The following ROBO1 variants were observed in gnomAD, a reference collection of about 807,000 sequenced individuals.
ROBO1 encodes the protein roundabout guidance receptor 1.
Under a neutral mutation model 195.9 loss-of-function variants are expected in ROBO1, and 149 were observed. The ratio of observed to expected loss-of-function variants is 0.76; its 90% CI spans 0.67 to 0.87. The LOEUF (loss-of-function observed/expected upper bound fraction) is 0.87. ROBO1 is among the 40% of genes least tolerant of loss of function. ROBO1 has a pLI of 0.00. For missense variants in ROBO1, 1,933 were observed against 2,068.3 expected (o/e 0.93, Z 1.27); for synonymous variants, 816 against 733.2 (o/e 1.11, Z -1.82).
At chr3:78,767,228 G>C (rs1304713955) in intron 4 of ROBO1, among the ~76,000 whole-genome samples, 2 of 150,212 alleles carry the variant, frequency 1.3e-5, no homozygotes, top group Non-Finnish European at 2.9e-5. Context: ...GTAGAATTCT[G>C]CTGTGAATCC....
intron 1 of ROBO1, among the ~76,000 whole-genome samples, chr3:79,718,937 G>A (rs1702593809): frequency 6.6e-6 from 1 of 151,942 alleles, no homozygotes; most frequent in Non-Finnish European, 1.5e-5. Flanking sequence ...GTCACTTGTT[G>A]AACTAAAAGA....
At chr3:79,626,983 C>T (rs1285702575) in intron 1 of ROBO1, among the ~76,000 whole-genome samples, 1 of 152,132 alleles carries the variant, frequency 6.6e-6, no homozygotes, top group Non-Finnish European at 1.5e-5. Flanking sequence ...CTACAAACCA[C>T]TCCTCAAGGA....
intron 1 of ROBO1, among the ~76,000 whole-genome samples, chr3:79,626,409 C>T (rs1945181973): frequency 6.6e-6 from 1 of 152,002 alleles, no homozygotes; most frequent in Admixed American, 6.6e-5. Context: ...TGCACTCCAG[C>T]CTAGTAACAG....
At chr3:79,162,947 T>A (rs1416876807) in intron 2 of ROBO1, among the ~76,000 whole-genome samples, 3 of 152,156 alleles carry the variant, frequency 2.0e-5, no homozygotes, top group African/African-American at 7.2e-5. Flanking sequence ...CCGAGCCCTT[T>A]TAAAGCATTT....
rs2084071711 is a variant in ROBO1 at position 78,793,050 on chromosome 3, G to A, written c.500-46150C>T. On this transcript the variant is annotated intron_variant, in intron 4 of 30. Transcript: ENST00000464233. Reference sequence around the variant, plus strand: ...GGCAGGAGGGTCACTTGAGCTGAGAGAGGGAGGTAGCAGTGAGCAGTGATC... The same window carrying A: ...GGCAGGAGGGTCACTTGAGCTGAGAAAGGGAGGTAGCAGTGAGCAGTGATC... 2.6e-5 allele frequency among the ~76,000 whole-genome samples: 4 copies of A among 151,860 alleles called. No homozygotes were observed. In the South Asian group the frequency reaches 8.3e-4, roughly 32 times the overall value.
rs542891356 is a variant in ROBO1 at position 79,055,287 on chromosome 3, G to A, written c.172+70169C>T. On this transcript the variant is annotated intron_variant, in intron 3 of 30. Transcript: ENST00000464233. ...ACCTAATATCATTTTAAACAAAGGA[G>A]ATAAGACACGTGGCCCTGGGATGGG... 9.2e-5 allele frequency among the ~76,000 whole-genome samples: 14 copies of A among 152,252 alleles called. No individual in the cohort carries two copies. The South Asian group carries it at 1.5e-3, about 16-fold the overall frequency.
chr3:79,496,784 G>A (rs1419236241), intron 2 of ROBO1, among the ~76,000 whole-genome samples: 1 of 152,092 alleles, frequency 6.6e-6, no homozygotes, highest in African/African-American at 2.4e-5. Flanking sequence ...CATTGCAATA[G>A]GTGACAATTA....
chr3:78,774,372 C>A (rs968906125), intron 4 of ROBO1, among the ~76,000 whole-genome samples: 1 of 151,752 alleles, frequency 6.6e-6, no homozygotes, highest in Non-Finnish European at 1.5e-5. Flanking sequence ...GGGCAGTGGC[C>A]GGATCTCGGC....
Position 78,784,319 on chromosome 3 carries a change from G to A in ROBO1, c.500-37419C>T, listed in dbSNP as rs192168336. ...CATAAAAACTCTAAATATCATGCCCGGCATATTCTAAAACACTTAATAGAA... is the reference window on the plus strand; with the variant it reads ...CATAAAAACTCTAAATATCATGCCCAGCATATTCTAAAACACTTAATAGAA... On this transcript the variant is annotated intron_variant, in intron 4 of 30. Coordinates refer to ENST00000464233, the MANE Select transcript of ROBO1 (RefSeq NM_002941.4). Among the ~76,000 whole-genome samples, 291 of 152,038 alleles carry A rather than the reference G, an allele frequency of 1.9e-3. 1 individual carries two copies. The highest frequency in any genetic ancestry group is 6.5e-3 in the African/African-American group (269 of 41,476).
Position 79,624,236 on chromosome 3 carries a change from C to CA in ROBO1, c.-50-34276dup, listed in dbSNP as rs560778538. ...AAGGAAAAACTGGTACCAACCACTT[C>CA]AAAAAAACGGCAAAATATAAAGACC... On this transcript the variant is annotated intron_variant, in intron 1 of 30. Coordinates refer to ENST00000464233, the MANE Select transcript of ROBO1 (RefSeq NM_002941.4). Among the ~76,000 whole-genome samples the CA allele has an allele frequency of 5.4e-3, 819 of 151,996 alleles. 5 individuals carry two copies. The highest frequency in any genetic ancestry group is 0.017 in the African/African-American group (700 of 41,464).
At chr3:79,736,669 G>C (rs1473698212) in intron 1 of ROBO1, among the ~76,000 whole-genome samples, 1 of 152,068 alleles carries the variant, frequency 6.6e-6, no homozygotes, top group African/African-American at 2.4e-5. Context: ...TGCATGTCAG[G>C]CTACTCCTGA....
chr3:79,402,080 T>G (rs2037386516), intron 2 of ROBO1, among the ~76,000 whole-genome samples: 2 of 151,898 alleles, frequency 1.3e-5, no homozygotes, highest in Admixed American at 1.3e-4. Flanking sequence ...AGTGTGTTTT[T>G]TTAAGCTTTG....
chr3:78,626,118 A>C (rs1704762996), intron 26 of ROBO1, among the ~76,000 whole-genome samples: 1 of 152,070 alleles, frequency 6.6e-6, no homozygotes, highest in African/African-American at 2.4e-5. Context: ...AATGGTGAGG[A>C]AAAAAGGTAA....
chr3:78,889,879 G>A (rs76309058), intron 4 of ROBO1, among the ~76,000 whole-genome samples: 11 of 152,088 alleles, frequency 7.2e-5, no homozygotes, highest in Admixed American at 1.3e-4. Context: ...ATGATACTAA[G>A]ACAATACTCG....
Position 78,649,125 on chromosome 3 carries a change from T to TAA in ROBO1, c.2813-1472_2813-1471dup, listed in dbSNP as rs5850379. ...TCAGAGCCATAGTAACAAGTCTTCA[T>TAA]AAAAAAAAAAAAAAATGAAAGGTGC... On this transcript the variant is annotated intron_variant, in intron 19 of 30. Transcript: ENST00000464233. 9.6e-3 allele frequency among the ~76,000 whole-genome samples: 1,271 copies of TAA among 132,238 alleles called. 10 individuals are homozygous for TAA. The highest frequency in any genetic ancestry group is 0.02 in the African/African-American group (737 of 37,040). 86.8% of individuals were successfully genotyped at this position (132,238 alleles called of 152,430 possible).
intron 17 of ROBO1, among the ~76,000 whole-genome samples, chr3:78,657,698 A>G (rs1707124918): frequency 6.6e-6 from 1 of 152,228 alleles, no homozygotes; most frequent in South Asian, 2.1e-4. Context: ...AGATGACCAG[A>G]TATTGTAAAA....
intron 4 of ROBO1, among the ~76,000 whole-genome samples, chr3:78,778,622 G>A (rs1451071489): frequency 2.6e-5 from 4 of 152,058 alleles, no homozygotes; most frequent in Non-Finnish European, 4.4e-5. Context: ...AATAAAAGAG[G>A]ACACAAATGG....
intron 2 of ROBO1, among the ~76,000 whole-genome samples, chr3:79,555,592 T>G (rs529924259): frequency 6.6e-6 from 1 of 152,270 alleles, no homozygotes; most frequent in South Asian, 2.1e-4. Flanking sequence ...ACAGATCTCC[T>G]AGTTTCTGAA....
intron 1 of ROBO1, among the ~76,000 whole-genome samples, chr3:79,625,063 T>C (rs1386086911): frequency 2.6e-5 from 4 of 151,972 alleles, no homozygotes; most frequent in Non-Finnish European, 5.9e-5. Flanking sequence ...AACCACACGA[T>C]TATACGGAAA....
Sources: allele counts gnomAD v4.1 joint callset (sites outside exome capture counted in the v4.1 genomes callset), GRCh38; gene constraint gnomAD v4.1.1; transcripts MANE v1.5; gene names NCBI Gene and HGNC (gene_info 2026-07-23, HGNC 2026-07-21).